The following CWF19L2 variants were observed in gnomAD, a reference collection of about 807,000 sequenced individuals.
CWF19L2 encodes the protein CWF19 like cell cycle control factor 2, also known as CWF19-like protein 2.
CWF19L2 carries 98 observed loss-of-function variants against 111.7 expected under a neutral mutation model. The observed-to-expected ratio is 0.88, with a 90% CI of 0.75 to 1.04. The LOEUF (loss-of-function observed/expected upper bound fraction) is 1.04. Among genes scored for constraint, CWF19L2 ranks in the 50% least tolerant of loss-of-function variants. CWF19L2 has a pLI of 0.00. For synonymous variants in CWF19L2, 351 were observed against 342.9 expected, an observed-to-expected ratio of 1.02 and a Z score of -0.26; for missense variants, 1,101 against 1,051.4, an observed-to-expected ratio of 1.05 and a Z score of -0.65.
intron 10 of CWF19L2, among the ~76,000 whole-genome samples, chr11:107,400,227 A>G (rs866088794): frequency 1.6e-5 from 2 of 123,060 alleles, no homozygotes; most frequent in African/African-American, 6.8e-5. Flanking sequence ...TCAGAGCAGA[A>G]CTAAATGAAA....
chr11:107,451,954 A>C lies in CWF19L2; in HGVS notation c.339+2496T>G, dbSNP rs190116953. On this transcript the variant is annotated intron_variant, in intron 3 of 17. Transcript: ENST00000282251. ...CTTAATCTGAAAAGGCATACATGAA[A>C]GTCCCACAGCAGACATCATGCTTAA... is the stretch of plus-strand genomic sequence containing the variant. Among the ~76,000 whole-genome samples, 144 of 152,352 alleles carry C rather than the reference A, an allele frequency of 9.5e-4. 3 individuals are homozygous for C. The East Asian group carries it at 0.026, about 27-fold the overall frequency.
chr11:107,442,721 A>AG (rs1491579206), intron 4 of CWF19L2, among the ~76,000 whole-genome samples: 10 of 104,894 alleles, frequency 9.5e-5, no homozygotes, highest in African/African-American at 1.6e-4. Context: ...AGAGAGAGAG[A>AG]AAGAGAAAGA....
intron 16 of CWF19L2, among the ~76,000 whole-genome samples, chr11:107,331,882 T>C (rs1859854663): frequency 6.6e-6 from 1 of 152,218 alleles, no homozygotes; most frequent in African/African-American, 2.4e-5. Flanking sequence ...CTAGAAGAGT[T>C]GTTAGCAGGC....
chr11:107,371,052 C>T (rs1470784597), intron 12 of CWF19L2, among the ~76,000 whole-genome samples: 3 of 107,436 alleles, frequency 2.8e-5, no homozygotes, highest in Non-Finnish European at 5.3e-5. Flanking sequence ...CTCACTCTGT[C>T]GCCCAGGCTG....
intron 17 of CWF19L2, among the ~76,000 whole-genome samples, chr11:107,329,710 G>C (rs752791226): frequency 3.3e-5 from 5 of 152,114 alleles, no homozygotes; most frequent in East Asian, 3.9e-4. Context: ...GTCAAGAAAT[G>C]TTTGGTTCCA....
chr11:107,423,797 CAGA>C (rs1861335605), intron 8 of CWF19L2, among the ~76,000 whole-genome samples: 1 of 151,732 alleles, frequency 6.6e-6, no homozygotes, highest in African/African-American at 2.4e-5. Flanking sequence ...CTGACAGGAT[CAGA>C]AGAATTAAAG....
intron 8 of CWF19L2, among the ~76,000 whole-genome samples, chr11:107,425,706 C>G (rs11212227): frequency 6.6e-6 from 1 of 151,892 alleles, no homozygotes; most frequent in Admixed American, 6.6e-5. Flanking sequence ...GATCTCACAA[C>G]TATACTCAAA....
chr11:107,457,718 C>G lies in CWF19L2; in HGVS notation c.99G>C (p.Leu33Phe). 6.4e-7 allele frequency: 1 copy of G among 1,551,198 alleles called. No individual in the cohort carries two copies. Among genetic ancestry groups the G allele is most frequent in the Non-Finnish European group, 8.7e-7 (1 of 1,146,500 alleles). Residue 33 changes from leucine (L) to phenylalanine (F), a missense_variant, in exon 1 of 18, where the codon TTG becomes TTC. Transcript: ENST00000282251. Reference sequence around the variant, plus strand: ...AGCCCCAAAACAGAGGTACCTGGCGCAACACCTCGGCCCTGGCATTCCGGG... The same window carrying G: ...AGCCCCAAAACAGAGGTACCTGGCGGAACACCTCGGCCCTGGCATTCCGGG... ...EQTRNARAEV[L>F]RQAKANFEKE...
chr11:107,363,430 G>A lies in CWF19L2; in HGVS notation c.1873-9694C>T, dbSNP rs189071227. Among the ~76,000 whole-genome samples, 474 of 151,998 alleles carry A rather than the reference G, an allele frequency of 3.1e-3. 2 individuals are homozygous for A. The highest frequency in any genetic ancestry group is 5.6e-3 in the Non-Finnish European group (383 of 67,976). On this transcript the variant is annotated intron_variant, in intron 12 of 17. Coordinates refer to ENST00000282251, the MANE Select transcript of CWF19L2 (RefSeq NM_152434.3). ...TTAAGGGCAGCCAGAGAGAAAGGTC[G>A]GGTTACCCTCAAAGGGAAGCCCATC...
At chr11:107,404,579 C>T (rs1297877370) in intron 10 of CWF19L2, 1 of 622,096 alleles carries the variant, frequency 1.6e-6, no homozygotes, top group African/African-American at 1.8e-5. Context: ...ATAAGATGGT[C>T]TTTCCACAGG....
intron 10 of CWF19L2, among the ~76,000 whole-genome samples, chr11:107,398,544 A>T (rs994238761): frequency 2.0e-5 from 3 of 152,218 alleles, no homozygotes; most frequent in African/African-American, 7.2e-5. Flanking sequence ...ATGTTAATCA[A>T]CCAAACCTAA....
chr11:107,362,525 C>T (rs905606124), intron 12 of CWF19L2, among the ~76,000 whole-genome samples: 2 of 152,082 alleles, frequency 1.3e-5, no homozygotes, highest in Non-Finnish European at 2.9e-5. Flanking sequence ...CCCTGACCCC[C>T]GAGCAGCCTA....
chr11:107,406,003 A>G (rs1861072581), intron 10 of CWF19L2, among the ~76,000 whole-genome samples: 1 of 152,200 alleles, frequency 6.6e-6, no homozygotes, highest in South Asian at 2.1e-4. Flanking sequence ...GGAAACAACT[A>G]AGAACCAAAG....
At chr11:107,336,804 T>TA (rs1420529031) in intron 14 of CWF19L2, 91 bp from the exon 15 acceptor site, 16 of 706,604 alleles carry the variant, frequency 2.3e-5, no homozygotes, top group Non-Finnish European at 3.5e-5. Flanking sequence ...AAAACTTTAA[T>TA]AAAAAAGTAC....
chr11:107,428,515 T>C (rs1228355252), intron 8 of CWF19L2, among the ~76,000 whole-genome samples: 1 of 152,004 alleles, frequency 6.6e-6, no homozygotes, highest in Admixed American at 6.6e-5. Context: ...CTGCAGCACA[T>C]ACATTTAAAA....
chr11:107,426,036 T>C (rs1029958977), intron 8 of CWF19L2, among the ~76,000 whole-genome samples: 21 of 151,632 alleles, frequency 1.4e-4, no homozygotes, highest in African/African-American at 5.1e-4. Context: ...GTTAACATAA[T>C]CGCAGGGCCT....
chr11:107,427,578 C>T (rs73549860), intron 8 of CWF19L2, among the ~76,000 whole-genome samples: 3,361 of 152,148 alleles, frequency 0.022, 124 homozygotes, highest in African/African-American at 0.076. Flanking sequence ...TGCTTAGCTA[C>T]AGTCACAGAA....
intron 7 of CWF19L2, among the ~76,000 whole-genome samples, chr11:107,433,406 T>TA (rs1861492509): frequency 6.6e-6 from 1 of 152,176 alleles, no homozygotes; most frequent in African/African-American, 2.4e-5. Flanking sequence ...AAATTTTTTT[T>TA]ACATTAAACA....
intron 12 of CWF19L2, among the ~76,000 whole-genome samples, chr11:107,370,683 C>G (rs1267335832): frequency 1.5e-5 from 2 of 137,494 alleles, no homozygotes; most frequent in Non-Finnish European, 3.1e-5. Flanking sequence ...AGCATGAGAT[C>G]TGACCTGTCA....
Sources: gnomAD v4.1 joint callset for allele counts (sites outside exome capture counted in the v4.1 genomes callset) on GRCh38, gnomAD v4.1.1 for gene constraint, MANE v1.5 for transcripts, NCBI Gene and HGNC (gene_info 2026-07-23, HGNC 2026-07-21) for gene names.